CSNK2A2IP: variants seen among roughly 807,000 people sequenced by gnomAD.
The protein encoded by CSNK2A2IP is casein kinase 2 subunit alpha' interacting protein.
At chr3:88,354,528 A>T in the CSNK2A2IP span, among the ~76,000 whole-genome samples, 1 of 152,162 alleles carries the variant, frequency 6.6e-6, no homozygotes, top group African/African-American at 2.4e-5. Context: ...GGATGGGTGA[A>T]TATTTTAAGT....
At chr3:88,383,542 C>T in the CSNK2A2IP span, among the ~76,000 whole-genome samples, 1 of 152,060 alleles carries the variant, frequency 6.6e-6, no homozygotes, top group Non-Finnish European at 1.5e-5. Context: ...ACTGTGTACT[C>T]ATCAGCATAT....
At chr3:88,442,461 T>C in the CSNK2A2IP span, among the ~76,000 whole-genome samples, 3 of 152,170 alleles carry the variant, frequency 2.0e-5, no homozygotes, top group Non-Finnish European at 2.9e-5. Context: ...ATAGACTGAA[T>C]AGAGTTATGA....
At chr3:88,423,895 A>C in the CSNK2A2IP span, among the ~76,000 whole-genome samples, 2 of 152,144 alleles carry the variant, frequency 1.3e-5, no homozygotes, top group Non-Finnish European at 2.9e-5. Context: ...TGTTTCCAGA[A>C]AAAAATGAGC....
At chr3:88,420,046 C>T in the CSNK2A2IP span, among the ~76,000 whole-genome samples, 2 of 152,306 alleles carry the variant, frequency 1.3e-5, no homozygotes, top group South Asian at 4.1e-4. Context: ...GCCCAGGCCC[C>T]TACCAGAGAA....
At chr3:88,372,288 T>C in the CSNK2A2IP span, among the ~76,000 whole-genome samples, 1 of 151,552 alleles carries the variant, frequency 6.6e-6, no homozygotes, top group African/African-American at 2.4e-5. Flanking sequence ...CAATTACTTT[T>C]AATGGCAAAA....
chr3:88,406,388 G>A, the CSNK2A2IP span, among the ~76,000 whole-genome samples: 21 of 152,306 alleles, frequency 1.4e-4, no homozygotes, highest in African/African-American at 4.8e-4. Flanking sequence ...GCTACGGGAA[G>A]CGCAGTTGCT....
the CSNK2A2IP span, among the ~76,000 whole-genome samples, chr3:88,425,308 A>C: frequency 1.3e-5 from 2 of 152,128 alleles, no homozygotes; most frequent in African/African-American, 4.8e-5. Context: ...TGGATAATCC[A>C]TGCTTCTCTT....
chr3:88,454,002 A>G, the CSNK2A2IP span, among the ~76,000 whole-genome samples: 6 of 152,050 alleles, frequency 3.9e-5, no homozygotes, highest in Non-Finnish European at 8.8e-5. Context: ...CTTTTAAAGA[A>G]AGGATAAAGT....
At chr3:88,464,279 G>A in the CSNK2A2IP span, among the ~76,000 whole-genome samples, 7 of 151,308 alleles carry the variant, frequency 4.6e-5, no homozygotes, top group African/African-American at 1.7e-4. Flanking sequence ...AAACCTGCAT[G>A]TTGTGCACAT....
the CSNK2A2IP span, among the ~76,000 whole-genome samples, chr3:88,401,661 T>A: frequency 2.8e-4 from 42 of 152,202 alleles, no homozygotes; most frequent in Non-Finnish European, 4.7e-4. Context: ...AATCCTCAAA[T>A]CCTGCTGCTC....
At chr3:88,368,245 T>C in the CSNK2A2IP span, among the ~76,000 whole-genome samples, 1 of 151,936 alleles carries the variant, frequency 6.6e-6, no homozygotes, top group African/African-American at 2.4e-5. Flanking sequence ...GGGGATACAG[T>C]AGTAACAAGA....
the CSNK2A2IP span, among the ~76,000 whole-genome samples, chr3:88,408,173 G>A: frequency 8.3e-4 from 126 of 152,290 alleles, no homozygotes; most frequent in Non-Finnish European, 1.4e-3. Flanking sequence ...AGTAAGACAG[G>A]AAGAAATGCT....
chr3:88,458,431 G>A, the CSNK2A2IP span, among the ~76,000 whole-genome samples: 10 of 152,160 alleles, frequency 6.6e-5, no homozygotes, highest in South Asian at 2.1e-4. Context: ...GACTACAGGC[G>A]TAAGACACCA....
chr3:88,440,387 A>G, the CSNK2A2IP span, among the ~76,000 whole-genome samples: 3 of 152,150 alleles, frequency 2.0e-5, no homozygotes, highest in Admixed American at 1.3e-4. Context: ...ATTAATACAT[A>G]TATTGAATAT....
chr3:88,351,759 A>T, the CSNK2A2IP span, among the ~76,000 whole-genome samples: 1 of 152,166 alleles, frequency 6.6e-6, no homozygotes, highest in Non-Finnish European at 1.5e-5. Context: ...AGCTACAAAG[A>T]TGTATTTAAT....
chr3:88,453,061 C>T, the CSNK2A2IP span, among the ~76,000 whole-genome samples: 18 of 152,136 alleles, frequency 1.2e-4, no homozygotes, highest in Admixed American at 5.9e-4. Flanking sequence ...GCAGAAATTT[C>T]GGGTACTTAT....
At chr3:88,390,990 A>C in the CSNK2A2IP span, among the ~76,000 whole-genome samples, 2 of 152,230 alleles carry the variant, frequency 1.3e-5, no homozygotes, top group African/African-American at 2.4e-5. Flanking sequence ...TTCTAGAATC[A>C]AACTTCCCTG....
chr3:88,410,766 G>A, the CSNK2A2IP span, among the ~76,000 whole-genome samples: 2 of 151,934 alleles, frequency 1.3e-5, no homozygotes, highest in East Asian at 1.9e-4. Flanking sequence ...ACTTCACAGT[G>A]AGTTCTTATC....
At chr3:88,462,839 A>G in the CSNK2A2IP span, among the ~76,000 whole-genome samples, 3 of 152,306 alleles carry the variant, frequency 2.0e-5, no homozygotes, top group South Asian at 6.2e-4. Context: ...AAGCTTGATT[A>G]TTTGGAAATA....
Sources: allele counts gnomAD v4.1 joint callset (sites outside exome capture counted in the v4.1 genomes callset), GRCh38; gene constraint gnomAD v4.1.1; transcripts MANE v1.5; gene names NCBI Gene and HGNC (gene_info 2026-07-23, HGNC 2026-07-21).